TFR2: variants seen among roughly 807,000 people sequenced by gnomAD.
TFR2 encodes the protein transferrin receptor 2, also known as transferrin receptor protein 2.
Under a neutral mutation model 91.9 loss-of-function variants are expected in TFR2, and 64 were observed. That is an observed-to-expected ratio of 0.70 (90% CI 0.57 to 0.86). TFR2 has a LOEUF of 0.86. TFR2 is among the 40% of genes least tolerant of loss of function. TFR2 has a pLI of 0.00. For missense variants in TFR2, 950 were observed against 1,080.5 expected, an observed-to-expected ratio of 0.88 and a Z score of 1.69; for synonymous variants, 454 against 459.6, an observed-to-expected ratio of 0.99 and a Z score of 0.15.
At position 100,628,151 on chromosome 7, in the gene TFR2, C is replaced by G; in HGVS notation, c.1474-15G>C. The G allele has an allele frequency of 6.2e-7, 1 of 1,614,106 alleles. No homozygotes were observed. The highest frequency in any genetic ancestry group is 8.5e-7 in the Non-Finnish European group (1 of 1,179,994). ...CTGAGGTAGCCCTGTGGGTGGGTGA[C>G]CAGTGTGGAGTGGGAACCCCCCACC... On this transcript the variant is annotated splice_polypyrimidine_tract_variant and intron_variant, in intron 11 of 17. Transcript: ENST00000223051.
intron 3 of TFR2, among the ~76,000 whole-genome samples, chr7:100,634,272 C>G (rs1475029441): frequency 6.6e-6 from 1 of 151,938 alleles, no homozygotes; most frequent in Non-Finnish European, 1.5e-5. Context: ...AGCAGACCCT[C>G]CTCATCTCCC....
intron 3 of TFR2, among the ~76,000 whole-genome samples, chr7:100,636,937 C>T (rs1803581746): frequency 6.6e-6 from 1 of 152,152 alleles, no homozygotes; most frequent in Non-Finnish European, 1.5e-5. Flanking sequence ...TCAGCCTGTA[C>T]CCAGATGACC....
At chr7:100,626,498 G>A in intron 17 of TFR2, 3 of 1,346,016 alleles carry the variant, frequency 2.2e-6, no homozygotes, top group East Asian at 3.0e-5. Flanking sequence ...AGGGTGGATT[G>A]TCCCAGTTCT....
intron 9 of TFR2, 40 bp downstream of exon 9, chr7:100,630,849 C>A: frequency 6.2e-7 from 1 of 1,611,314 alleles, no homozygotes; most frequent in Non-Finnish European, 8.5e-7. Context: ...ATTCCCCCAG[C>A]CCACCACCAG....
In TFR2 at chr7:100,632,063, C is replaced by G. The variant is rs747917415; in HGVS notation, c.966+19G>C. Reference sequence around the variant, plus strand: ...GCCTCGGGACCTGGGAACAGCACGACCAGCCTCCCCAGACTCACATGTCCA... The same window carrying G: ...GCCTCGGGACCTGGGAACAGCACGAGCAGCCTCCCCAGACTCACATGTCCA... On this transcript the variant is annotated intron_variant, in intron 7 of 17. Transcript: ENST00000223051. The G allele has an allele frequency of 6.2e-7, 1 of 1,614,052 alleles. No individual in the cohort carries two copies. Among genetic ancestry groups the G allele is most frequent in the Non-Finnish European group, 8.5e-7 (1 of 1,179,936 alleles).
intron 17 of TFR2, among the ~76,000 whole-genome samples, chr7:100,624,936 C>T (rs906330189): frequency 1.8e-4 from 28 of 151,972 alleles, no homozygotes; most frequent in African/African-American, 6.8e-4. Flanking sequence ...GTTCACCAAC[C>T]CCTGGTCTAG....
chr7:100,633,071 C>CGCAGGTCCT lies in TFR2; in HGVS notation c.770_778dup (p.Gln257_Leu259dup), dbSNP rs1803495372. On this transcript the variant is annotated inframe_insertion, in exon 6 of 18. Transcript: ENST00000223051. ...GCCCACTGGATCCACGCCCCTGGCC[C>CGCAGGTCCT]GCAGGTCCTGCAGGTCTTCGGGCCG... 6.2e-7 allele frequency: 1 copy of CGCAGGTCCT among 1,613,634 alleles called. No individual in the cohort carries two copies. Among genetic ancestry groups the CGCAGGTCCT allele is most frequent in the South Asian group, 1.1e-5 (1 of 91,072 alleles).
In TFR2 at chr7:100,633,029, C is replaced by T; in HGVS notation, c.821G>A (p.Arg274His). The change falls in exon 6 of 18, where the codon CGC becomes CAC. Residue 274 changes from arginine to histidine, a missense_variant. Coordinates refer to ENST00000223051, the MANE Select transcript of TFR2 (RefSeq NM_003227.4). ...CTGGGCGAAGCTGATCACCCCCACGCGCACCAGCAGCAGGCGGCCCACTGG... is the reference window on the plus strand; with the variant it reads ...CTGGGCGAAGCTGATCACCCCCACGTGCACCAGCAGCAGGCGGCCCACTGG... ...VDPVGRLLLV[R>H]VGVISFAQKV... 6.2e-7 allele frequency: 1 copy of T among 1,613,782 alleles called. No homozygotes were observed. Among genetic ancestry groups the T allele is most frequent in the Non-Finnish European group, 8.5e-7 (1 of 1,180,006 alleles).
At position 100,631,775 on chromosome 7, in the gene TFR2, C is replaced by T. The variant is rs1242333820; in HGVS notation, c.1106+31G>A. The T allele has an allele frequency of 3.1e-6, 5 of 1,604,544 alleles. No individual in the cohort carries two copies. The South Asian group carries it at 4.4e-5, about 14-fold the overall frequency. On this transcript the variant is annotated intron_variant, in intron 8 of 17. Transcript: ENST00000223051. ...GCTGCAGCCTTCCTCTCTCTGCTTCCTCCTCTTCTGGTCCCCAACACTCCC... is the reference window on the plus strand; with the variant it reads ...GCTGCAGCCTTCCTCTCTCTGCTTCTTCCTCTTCTGGTCCCCAACACTCCC...
Position 100,627,820 on chromosome 7 carries a change from C to G in TFR2, c.1606G>C (p.Val536Leu), listed in dbSNP as rs1368053356. The change falls in exon 14 of 18, where the codon GTG (valine) becomes CTG (leucine). Residue 536 changes from valine to leucine, a missense_variant and splice_region_variant. By Grantham distance (32) the Val-to-Leu change is conservative. Coordinates refer to ENST00000223051, the MANE Select transcript of TFR2 (RefSeq NM_003227.4). ...TGCCCACTGTGGTTGGGAGAATCCA[C>G]CTGGGGGTTGGGGAAGGGCACTGAT... ...TSLIESVLKQ[V>L]DSPNHSGQTL... 1 of 1,613,954 alleles carries G rather than the reference C, an allele frequency of 6.2e-7. No homozygotes were observed. Among genetic ancestry groups the G allele is most frequent in the Non-Finnish European group, 8.5e-7 (1 of 1,180,004 alleles).
At chr7:100,626,183 G>A (rs899780348) in intron 17 of TFR2, among the ~76,000 whole-genome samples, 6 of 152,136 alleles carry the variant, frequency 3.9e-5, no homozygotes, top group African/African-American at 1.4e-4. Context: ...GGAAGGAAGT[G>A]GAGGAGTTGG....
Position 100,641,148 on chromosome 7 carries a change from C to T in TFR2, c.114G>A (p.Glu38=). The part of the protein sequence containing the change: ...GPRKGHLEEE[E]EDGEEGAETL... ...TCTCCGCCCCCTCCTCCCCGTCTTC[C>T]TCTTCCTCCTCCAGGTGCCCTTTCC... Residue 38 remains glutamate (E), a synonymous_variant, in exon 2 of 18, where the codon GAG becomes GAA. Coordinates refer to ENST00000223051, the MANE Select transcript of TFR2 (RefSeq NM_003227.4). 1 of 1,542,644 alleles carries T rather than the reference C, an allele frequency of 6.5e-7. No homozygotes were observed. Among genetic ancestry groups the T allele is most frequent in the South Asian group, 1.2e-5 (1 of 81,446 alleles).
chr7:100,630,531 C>T (rs1048456587), intron 9 of TFR2, among the ~76,000 whole-genome samples: 2 of 152,196 alleles, frequency 1.3e-5, no homozygotes, highest in African/African-American at 4.8e-5. Context: ...CTCAAGTGAT[C>T]CACCTGCCTG....
At chr7:100,632,240 C>T (rs1451643715) in intron 6 of TFR2, 42 bp from the exon 7 acceptor site, 1 of 1,577,122 alleles carries the variant, frequency 6.3e-7, no homozygotes. Context: ...CAGAAAAAAA[C>T]CCGATTCATA....
intron 6 of TFR2, chr7:100,632,664 C>T (rs190037660): frequency 8.2e-4 from 290 of 354,782 alleles, no homozygotes; most frequent in Non-Finnish European, 9.7e-4. Context: ...ATCCTCCCAC[C>T]GGAGCCTCCG....
At chr7:100,631,139 A>C (rs1584458854) in intron 8 of TFR2, 87 bp from the exon 9 acceptor site, 19 of 1,382,944 alleles carry the variant, frequency 1.4e-5, no homozygotes, top group Non-Finnish European at 1.8e-5. Flanking sequence ...TTTCCCTCCC[A>C]CCCTTTCTGG....
intron 10 of TFR2, 74 bp from the exon 11 acceptor site, chr7:100,628,380 T>C: frequency 6.9e-7 from 1 of 1,447,490 alleles, no homozygotes; most frequent in Non-Finnish European, 9.7e-7. Flanking sequence ...TCTTCTGTCC[T>C]GGTCCCCCAG....
At position 100,620,975 on chromosome 7, in the gene TFR2, G is replaced by C; in HGVS notation, c.2288C>G (p.Ser763Cys). 1 of 1,612,844 alleles carries C rather than the reference G, an allele frequency of 6.2e-7. No individual in the cohort carries two copies. The stretch of plus-strand genomic sequence containing the variant: ...ACGGCTCTCCTGGAAGCCAGTGGAG[G>C]AGGTGGCCCCGGGGGTCCCGGAGCT... The part of the protein sequence containing the change: ...SNSSGTPGAT[S>C]STGFQESRFR... Residue 763 changes from serine to cysteine, a missense_variant, in exon 18 of 18, where the codon TCC becomes TGC. By Grantham distance (112) the Ser-to-Cys change is moderately radical. Transcript: ENST00000223051.
intron 3 of TFR2, among the ~76,000 whole-genome samples, chr7:100,637,476 C>G (rs1017374926): frequency 6.6e-6 from 1 of 152,204 alleles, no homozygotes; most frequent in African/African-American, 2.4e-5. Flanking sequence ...CGCCTGTAGT[C>G]CCAGCTACTT....
Sources: allele counts gnomAD v4.1 joint callset (sites outside exome capture counted in the v4.1 genomes callset), GRCh38; gene constraint gnomAD v4.1.1; transcripts MANE v1.5; gene names NCBI Gene and HGNC (gene_info 2026-07-23, HGNC 2026-07-21).